The following ANKS1B variants were observed in gnomAD, a reference collection of about 807,000 sequenced individuals.
ANKS1B encodes the protein ankyrin repeat and sterile alpha motif domain containing 1B, also known as ankyrin repeat and sterile alpha motif domain-containing protein 1B.
A neutral mutation model predicts 148.3 loss-of-function variants in ANKS1B; 36 were observed. The ratio of observed to expected loss-of-function variants is 0.24; its 90% CI spans 0.19 to 0.32. ANKS1B has a LOEUF of 0.32. Among genes scored for constraint, ANKS1B ranks in the 10% least tolerant of loss-of-function variants. The pLI is 1.00. For synonymous variants in ANKS1B, 542 were observed against 560.8 expected, an observed-to-expected ratio of 0.97 and a Z score of 0.47; for missense variants, 1,157 against 1,542.6, an observed-to-expected ratio of 0.75 and a Z score of 4.19.
chr12:99,731,330 G>T (rs1278379308), intron 8 of ANKS1B, among the ~76,000 whole-genome samples: 1 of 151,842 alleles, frequency 6.6e-6, no homozygotes, highest in African/African-American at 2.4e-5. Flanking sequence ...CGTTGGCCAG[G>T]CTTGTCTCAA....
At chr12:99,436,666 G>A (rs1388250903) in intron 11 of ANKS1B, among the ~76,000 whole-genome samples, 1 of 151,934 alleles carries the variant, frequency 6.6e-6, no homozygotes, top group Admixed American at 6.6e-5. Context: ...AATAATGGCA[G>A]GGAGAGGTGC....
chr12:99,490,248 G>C (rs551153279), intron 10 of ANKS1B, among the ~76,000 whole-genome samples: 2 of 152,344 alleles, frequency 1.3e-5, no homozygotes, highest in African/African-American at 4.8e-5. Flanking sequence ...AGATGGTTCT[G>C]AACAGTAAAA....
In ANKS1B at chr12:99,148,749, G is replaced by A. The variant is rs546077471; in HGVS notation, c.2526+5540C>T. Among the ~76,000 whole-genome samples, 6 of 152,176 alleles carry A rather than the reference G, an allele frequency of 3.9e-5. No individual in the cohort carries two copies. The East Asian group carries it at 9.7e-4, about 24-fold the overall frequency. On this transcript the variant is annotated intron_variant, in intron 15 of 26. Coordinates refer to ENST00000683438, the MANE Select transcript of ANKS1B (RefSeq NM_001352186.2). ...CTGTAAGGCTGTGCCTATTATATCT[G>A]TAATTAAGCTGTTGTCCAGATAAAC...
intron 19 of ANKS1B, among the ~76,000 whole-genome samples, chr12:98,825,141 G>A (rs2099237314): frequency 6.6e-6 from 1 of 152,114 alleles, no homozygotes; most frequent in Admixed American, 6.6e-5. Context: ...TTTGGCAGAT[G>A]TGCACATAGG....
chr12:99,376,560 C>G (rs1446531254), intron 12 of ANKS1B, among the ~76,000 whole-genome samples: 7 of 152,148 alleles, frequency 4.6e-5, no homozygotes, highest in African/African-American at 1.7e-4. Flanking sequence ...ATATCAGTAA[C>G]AGGGTCTCTT....
At chr12:99,446,205 C>T (rs977108572) in intron 10 of ANKS1B, among the ~76,000 whole-genome samples, 1 of 151,652 alleles carries the variant, frequency 6.6e-6, no homozygotes, top group Non-Finnish European at 1.5e-5. Context: ...GGCAAGAAAG[C>T]TGGAACAAAA....
chr12:99,510,519 A>C (rs2153027119), intron 9 of ANKS1B, among the ~76,000 whole-genome samples: 1 of 152,106 alleles, frequency 6.6e-6, no homozygotes, highest in South Asian at 2.1e-4. Flanking sequence ...GAGAACTGGA[A>C]GTGGAGCCTG....
chr12:98,745,731 G>A lies in ANKS1B; in HGVS notation c.*8C>T. The A allele has an allele frequency of 6.2e-7, 1 of 1,613,258 alleles. No individual in the cohort carries two copies. The highest frequency in any genetic ancestry group is 1.1e-5 in the South Asian group (1 of 90,958). ...CAAGGCACCGCGAGGACAGGAGGAC[G>A]GCGAGTATCAGAAAATCGTGGTTTC... On this transcript the variant is annotated 3_prime_UTR_variant, in exon 27 of 27. Coordinates refer to ENST00000683438, the MANE Select transcript of ANKS1B (RefSeq NM_001352186.2).
chr12:99,029,678 C>T (rs1310602317), intron 17 of ANKS1B, among the ~76,000 whole-genome samples: 2 of 152,054 alleles, frequency 1.3e-5, no homozygotes, highest in African/African-American at 2.4e-5. Context: ...GCAGGAAACT[C>T]AGCAGCATGA....
intron 22 of ANKS1B, among the ~76,000 whole-genome samples, chr12:98,791,580 T>C (rs1438620909): frequency 6.6e-6 from 1 of 152,112 alleles, no homozygotes; most frequent in Non-Finnish European, 1.5e-5. Flanking sequence ...GGGATCTGGC[T>C]ATGTTGCCCC....
intron 11 of ANKS1B, among the ~76,000 whole-genome samples, chr12:99,433,546 C>G (rs1378373470): frequency 6.6e-6 from 1 of 152,058 alleles, no homozygotes; most frequent in African/African-American, 2.4e-5. Flanking sequence ...TGGAATGGAT[C>G]TGAGGTGTGA....
intron 8 of ANKS1B, among the ~76,000 whole-genome samples, chr12:99,687,311 A>T (rs1020117953): frequency 2.0e-5 from 3 of 152,070 alleles, no homozygotes; most frequent in African/African-American, 7.2e-5. Flanking sequence ...ATATGACTCA[A>T]TGTGGCTCCT....
At chr12:99,318,262 C>T (rs1012449702) in intron 12 of ANKS1B, among the ~76,000 whole-genome samples, 7 of 152,176 alleles carry the variant, frequency 4.6e-5, no homozygotes, top group Non-Finnish European at 7.3e-5. Flanking sequence ...CTTTGTATCT[C>T]TGGTAGAATT....
intron 8 of ANKS1B, among the ~76,000 whole-genome samples, chr12:99,660,728 CAT>C (rs2098473375): frequency 6.6e-6 from 1 of 152,032 alleles, no homozygotes; most frequent in Non-Finnish European, 1.5e-5. Context: ...AATGTTTTTT[CAT>C]ATGAGAATGT....
At chr12:99,580,687 G>A (rs1053014131) in intron 9 of ANKS1B, among the ~76,000 whole-genome samples, 2 of 152,162 alleles carry the variant, frequency 1.3e-5, no homozygotes, top group Non-Finnish European at 2.9e-5. Flanking sequence ...CAATAGCACA[G>A]TAGGATCACT....
intron 9 of ANKS1B, among the ~76,000 whole-genome samples, chr12:99,522,645 A>G (rs2096886394): frequency 6.6e-6 from 1 of 152,222 alleles, no homozygotes; most frequent in South Asian, 2.1e-4. Context: ...GTTATAAAAA[A>G]TTCATCATGG....
At chr12:99,776,743 A>C (rs2063690574) in intron 6 of ANKS1B, among the ~76,000 whole-genome samples, 1 of 152,106 alleles carries the variant, frequency 6.6e-6, no homozygotes, top group Admixed American at 6.5e-5. Flanking sequence ...GCAGTGGTGC[A>C]ATCTTGACTC....
chr12:99,068,002 C>T (rs1002340813), intron 16 of ANKS1B, among the ~76,000 whole-genome samples: 4 of 151,970 alleles, frequency 2.6e-5, no homozygotes, highest in Non-Finnish European at 5.9e-5. Context: ...AGTAGAGTCA[C>T]TCTTACAATA....
At chr12:99,938,439 C>T (rs966457864) in intron 1 of ANKS1B, among the ~76,000 whole-genome samples, 1 of 152,156 alleles carries the variant, frequency 6.6e-6, no homozygotes, top group South Asian at 2.1e-4. Flanking sequence ...GTCAGCTGTG[C>T]CCTGACTCCT....
Sources: gnomAD v4.1 joint callset for allele counts (sites outside exome capture counted in the v4.1 genomes callset) on GRCh38, gnomAD v4.1.1 for gene constraint, MANE v1.5 for transcripts, NCBI Gene and HGNC (gene_info 2026-07-23, HGNC 2026-07-21) for gene names.